The following VAPA variants were observed in gnomAD, a reference collection of about 807,000 sequenced individuals.
VAPA encodes the protein vesicle-associated membrane protein-associated protein A.
In VAPA, 6 loss-of-function variants were observed where a neutral mutation model predicts 25.6. That is an observed-to-expected ratio of 0.23 (90% CI 0.13 to 0.46). The LOEUF (loss-of-function observed/expected upper bound fraction) is 0.46, where lower values mean the gene tolerates loss of function less well. Ranked by LOEUF, VAPA falls within the 20% of genes least tolerant of loss-of-function variation. VAPA has a pLI of 0.99. For synonymous variants in VAPA, 112 were observed against 106.2 expected, an observed-to-expected ratio of 1.05 and a Z score of -0.34; for missense variants, 244 against 302.1, an observed-to-expected ratio of 0.81 and a Z score of 1.43.
At position 9,955,398 on chromosome 18, in the gene VAPA, T is replaced by G. The variant is rs568893648; in HGVS notation, c.*1187T>G. The G allele has an allele frequency of 1.4e-4, 21 of 152,356 alleles. No homozygotes were observed. In the South Asian group the frequency reaches 2.7e-3, roughly 20 times the overall value. The allele number at this position is 152,356 out of a possible 1,614,324, so 9.4% of individuals were successfully genotyped here. A position where few individuals can be genotyped will look rare whatever the true frequency, so the allele number is the denominator to read the frequency against. On this transcript the variant is annotated 3_prime_UTR_variant, in exon 6 of 6. Coordinates refer to ENST00000400000, the MANE Select transcript of VAPA (RefSeq NM_194434.3). Reference sequence around the variant, plus strand: ...ATGTGAAACACATTTTCAGTATAAGTATGCGTTACAGGGTTTGATACTTTC... The same window carrying G: ...ATGTGAAACACATTTTCAGTATAAGGATGCGTTACAGGGTTTGATACTTTC...
At chr18:9,936,393 AT>A (rs1239713384) in intron 3 of VAPA, 180 bp downstream of exon 3, 641 of 423,422 alleles carry the variant, frequency 1.5e-3, no homozygotes, top group East Asian at 2.3e-3. Flanking sequence ...TTTAAATAGT[AT>A]TTTTTTTTAG....
chr18:9,940,522 T>G (rs2069356255), intron 4 of VAPA, among the ~76,000 whole-genome samples: 1 of 152,206 alleles, frequency 6.6e-6, no homozygotes, highest in Non-Finnish European at 1.5e-5. Flanking sequence ...AATGGTAAAA[T>G]TTTAATGATA....
chr18:9,950,362 A>T, intron 4 of VAPA, 33 bp from the exon 5 acceptor site: 1 of 1,593,228 alleles, frequency 6.3e-7, no homozygotes, highest in South Asian at 1.2e-5. Context: ...AGATTTGGTT[A>T]GTTAAAAAAT....
chr18:9,934,061 C>T (rs989103116), intron 2 of VAPA, among the ~76,000 whole-genome samples: 4 of 152,194 alleles, frequency 2.6e-5, no homozygotes, highest in African/African-American at 7.2e-5. Context: ...TTACTGATTA[C>T]GCAAACATGC....
intron 1 of VAPA, among the ~76,000 whole-genome samples, chr18:9,915,441 ATT>A (rs368405407): frequency 1.3e-5 from 2 of 151,858 alleles, no homozygotes; most frequent in African/African-American, 4.8e-5. Flanking sequence ...ACAGATTTTT[ATT>A]TTTTTTCTTT....
chr18:9,952,908 A>G (rs910197549), intron 5 of VAPA, among the ~76,000 whole-genome samples: 1 of 152,208 alleles, frequency 6.6e-6, no homozygotes, highest in African/African-American at 2.4e-5. Context: ...AACTCCAGAA[A>G]ATCCAGTAAT....
chr18:9,944,990 A>G (rs1340070946), intron 4 of VAPA: 6 of 1,614,176 alleles, frequency 3.7e-6, no homozygotes, highest in East Asian at 2.2e-5. Flanking sequence ...CACAGTTGCA[A>G]CACCTGCCAG....
rs573189557 is a variant in VAPA at position 9,928,010 on chromosome 18, T to G, written c.80-3800T>G. ...AATGTAACGTATGCAGTTTTCTTTT[T>G]TCATATGGGATAGTTCATTATAAAC... On this transcript the variant is annotated intron_variant, in intron 1 of 5. Coordinates refer to ENST00000400000, the MANE Select transcript of VAPA (RefSeq NM_194434.3). 2.3e-4 allele frequency among the ~76,000 whole-genome samples: 35 copies of G among 152,268 alleles called. 1 individual carries two copies. The South Asian group carries it at 7.0e-3, about 31-fold the overall frequency.
intron 4 of VAPA, among the ~76,000 whole-genome samples, chr18:9,942,077 G>C (rs1482177107): frequency 6.6e-6 from 1 of 152,144 alleles, no homozygotes; most frequent in Non-Finnish European, 1.5e-5. Context: ...TAACAACTTA[G>C]TATTTAACGT....
intron 4 of VAPA, chr18:9,949,159 A>G (rs1236339052): frequency 6.6e-6 from 1 of 152,156 alleles, no homozygotes; most frequent in Non-Finnish European, 1.5e-5. Flanking sequence ...GGCGGCTATT[A>G]TTAGATTGGT....
chr18:9,939,408 G>A (rs1599110100), intron 4 of VAPA, among the ~76,000 whole-genome samples: 1 of 151,990 alleles, frequency 6.6e-6, no homozygotes, highest in East Asian at 1.9e-4. Context: ...ACCTGCCTTG[G>A]CCTCCCAAAG....
chr18:9,949,618 A>AATTCACTTTAATTAAATTG (rs2069465718), intron 4 of VAPA: 1 of 152,254 alleles, frequency 6.6e-6, no homozygotes, highest in Non-Finnish European at 1.5e-5. Context: ...AATTTAATTA[A>AATTCACTTTAATTAAATTG]AATGAAAAAA....
intron 1 of VAPA, 28 bp downstream of exon 1, chr18:9,914,363 G>A (rs1228101864): frequency 6.5e-7 from 1 of 1,550,092 alleles, no homozygotes; most frequent in Non-Finnish European, 8.7e-7. Context: ...ACCCCCGGGT[G>A]GGGTGGGGCG....
rs1215392183 is a variant in VAPA at position 9,955,902 on chromosome 18, C to T, written c.*1691C>T. On this transcript the variant is annotated 3_prime_UTR_variant, in exon 6 of 6. Coordinates refer to ENST00000400000, the MANE Select transcript of VAPA (RefSeq NM_194434.3). ...TTACTGTCTTTGTAAAAATCCCCCT[C>T]TCCCCTTTTCTGGTAACTGGAAAAG... is the stretch of plus-strand genomic sequence containing the variant. 7.4e-6 allele frequency: 1 copy of T among 134,524 alleles called. No individual in the cohort carries two copies. The highest frequency in any genetic ancestry group is 2.0e-4 in the East Asian group (1 of 4,886). The allele number at this position is 134,524 out of a possible 1,614,324, so 8.3% of individuals were successfully genotyped here. A position where few individuals can be genotyped will look rare whatever the true frequency, so the allele number is the denominator to read the frequency against.
chr18:9,923,407 G>T (rs1037682220), intron 1 of VAPA, among the ~76,000 whole-genome samples: 1 of 148,330 alleles, frequency 6.7e-6, no homozygotes, highest in African/African-American at 2.5e-5. Context: ...AATTAAAAAA[G>T]AATTGTTGCT....
At chr18:9,932,714 G>T (rs755585710) in intron 2 of VAPA, among the ~76,000 whole-genome samples, 3 of 152,302 alleles carry the variant, frequency 2.0e-5, no homozygotes, top group East Asian at 3.9e-4. Flanking sequence ...CTTTACAGCA[G>T]TACTTCTCAA....
intron 4 of VAPA, among the ~76,000 whole-genome samples, chr18:9,945,657 T>C (rs1370807745): frequency 4.6e-5 from 7 of 152,162 alleles, no homozygotes; most frequent in Admixed American, 4.6e-4. Flanking sequence ...AGCCACCACA[T>C]GTGGCAACCC....
chr18:9,933,421 T>G (rs921632607), intron 2 of VAPA, among the ~76,000 whole-genome samples: 1 of 152,178 alleles, frequency 6.6e-6, no homozygotes, highest in Non-Finnish European at 1.5e-5. Flanking sequence ...CTTTGCTAAG[T>G]CTAATTCATC....
At chr18:9,943,566 T>G (rs2069387338) in intron 4 of VAPA, among the ~76,000 whole-genome samples, 1 of 152,198 alleles carries the variant, frequency 6.6e-6, no homozygotes, top group South Asian at 2.1e-4. Flanking sequence ...AGGCACATGA[T>G]ACGAAAGCGC....
Sources: allele counts gnomAD v4.1 joint callset (sites outside exome capture counted in the v4.1 genomes callset), GRCh38; gene constraint gnomAD v4.1.1; transcripts MANE v1.5; gene names NCBI Gene and HGNC (gene_info 2026-07-23, HGNC 2026-07-21).